Variants in DPY19L2 observed in about 807,000 individuals in gnomAD.
DPY19L2 encodes dpy-19 like 2.
DPY19L2 carries 34 observed loss-of-function variants against 97.9 expected under a neutral mutation model. The observed-to-expected ratio is 0.35, with a 90% CI of 0.26 to 0.46. DPY19L2 has a LOEUF of 0.46. Among genes scored for constraint, DPY19L2 ranks in the 20% least tolerant of loss-of-function variants. The pLI is 1.00. For missense variants in DPY19L2, 623 were observed against 911.4 expected, an observed-to-expected ratio of 0.68 and a Z score of 4.07; for synonymous variants, 230 against 307.9, an observed-to-expected ratio of 0.75 and a Z score of 2.65.
At chr12:63,581,604 C>T (rs1395847895) in intron 18 of DPY19L2, among the ~76,000 whole-genome samples, 2 of 150,828 alleles carry the variant, frequency 1.3e-5, no homozygotes, top group Non-Finnish European at 2.9e-5. Flanking sequence ...CTGCCTCAGC[C>T]TCCTGAGTAG....
At chr12:63,565,957 T>A in intron 21 of DPY19L2, among the ~76,000 whole-genome samples, 1 of 152,200 alleles carries the variant, frequency 6.6e-6, no homozygotes, top group Admixed American at 6.5e-5. Context: ...GTAATATTCT[T>A]TGTCTTAACA....
At chr12:63,641,381 G>A (rs894228465) in intron 6 of DPY19L2, among the ~76,000 whole-genome samples, 5 of 151,616 alleles carry the variant, frequency 3.3e-5, no homozygotes, top group East Asian at 1.9e-4. Flanking sequence ...CCATGTAGTC[G>A]CCATATAATT....
At chr12:63,574,002 T>G (rs1879366139) in intron 19 of DPY19L2, among the ~76,000 whole-genome samples, 1 of 151,992 alleles carries the variant, frequency 6.6e-6, no homozygotes, top group Non-Finnish European at 1.5e-5. Context: ...TCACTGGTAA[T>G]AGTAAGTACA....
intron 4 of DPY19L2, among the ~76,000 whole-genome samples, chr12:63,658,949 A>G (rs11829836): frequency 0.066 from 10,035 of 152,272 alleles, 354 homozygotes; most frequent in Middle Eastern, 0.095. Context: ...GGGAAACTTC[A>G]GGATGAGGGA....
intron 11 of DPY19L2, among the ~76,000 whole-genome samples, chr12:63,615,057 G>C (rs1887628374): frequency 6.6e-6 from 1 of 152,104 alleles, no homozygotes; most frequent in African/African-American, 2.4e-5. Context: ...TGTCATGTCA[G>C]AGAACTTAGT....
intron 6 of DPY19L2, among the ~76,000 whole-genome samples, chr12:63,637,098 G>A (rs1891852095): frequency 6.6e-6 from 1 of 152,104 alleles, no homozygotes; most frequent in African/African-American, 2.4e-5. Flanking sequence ...TCAGATCATA[G>A]GGCAATCAAA....
rs1015768374 is a variant in DPY19L2, at chr12:63,640,047, G to T, written c.803+4356C>A. 5.3e-5 allele frequency among the ~76,000 whole-genome samples: 8 copies of T among 152,142 alleles called. No homozygotes were observed. The East Asian group carries it at 5.8e-4, about 11-fold the overall frequency. The stretch of plus-strand genomic sequence containing the variant: ...TAAAAAATGATGAGTTCACATCCTT[G>T]GTAGGGACATGGATGAAGCTGGAAA... On this transcript the variant is annotated intron_variant, in intron 6 of 21. Coordinates refer to ENST00000324472, the MANE Select transcript of DPY19L2 (RefSeq NM_173812.5).
At chr12:63,666,865 T>C (rs1357576579) in intron 1 of DPY19L2, among the ~76,000 whole-genome samples, 1 of 152,264 alleles carries the variant, frequency 6.6e-6, no homozygotes. Context: ...CCACCAATAA[T>C]AGCCTCTTAA....
intron 4 of DPY19L2, among the ~76,000 whole-genome samples, chr12:63,649,214 C>T (rs1471226248): frequency 6.6e-6 from 1 of 152,028 alleles, no homozygotes; most frequent in African/African-American, 2.4e-5. Context: ...GCTAAATGCC[C>T]GCTTCAAAGT....
At chr12:63,579,826 T>G (rs1880550184) in intron 19 of DPY19L2, among the ~76,000 whole-genome samples, 1 of 152,070 alleles carries the variant, frequency 6.6e-6, no homozygotes, top group East Asian at 1.9e-4. Flanking sequence ...TTATAAAGAT[T>G]TACCTTAATG....
intron 6 of DPY19L2, among the ~76,000 whole-genome samples, chr12:63,637,635 T>C (rs1231880994): frequency 6.6e-6 from 1 of 152,014 alleles, no homozygotes; most frequent in Non-Finnish European, 1.5e-5. Context: ...CCTGGAAATA[T>C]ACACCCTCCA....
intron 4 of DPY19L2, among the ~76,000 whole-genome samples, chr12:63,658,438 G>A (rs1248243818): frequency 6.6e-6 from 1 of 152,120 alleles, no homozygotes; most frequent in Non-Finnish European, 1.5e-5. Flanking sequence ...AGGCTACAGG[G>A]AGCCGAGATC....
chr12:63,590,226 G>A (rs1882662498), intron 16 of DPY19L2, among the ~76,000 whole-genome samples: 1 of 152,028 alleles, frequency 6.6e-6, no homozygotes, highest in African/African-American at 2.4e-5. Context: ...AAACTCCACT[G>A]ACAAAGAATT....
intron 9 of DPY19L2, among the ~76,000 whole-genome samples, 182 bp downstream of exon 9, chr12:63,621,056 T>G (rs1484267464): frequency 6.6e-6 from 1 of 151,578 alleles, no homozygotes; most frequent in Non-Finnish European, 1.5e-5. Flanking sequence ...TGTCAAGGGA[T>G]GGGGTGGGGA....
intron 4 of DPY19L2, among the ~76,000 whole-genome samples, chr12:63,647,641 C>T (rs904454829): frequency 1.2e-4 from 18 of 152,054 alleles, no homozygotes; most frequent in Non-Finnish European, 2.5e-4. Flanking sequence ...CTTTGATGAG[C>T]TGATTTAAAA....
intron 6 of DPY19L2, among the ~76,000 whole-genome samples, chr12:63,639,156 G>A (rs1377342958): frequency 6.6e-6 from 1 of 152,110 alleles, no homozygotes; most frequent in Admixed American, 6.5e-5. Flanking sequence ...GCCATATGTA[G>A]GAAGCTGAAA....
intron 11 of DPY19L2, among the ~76,000 whole-genome samples, chr12:63,615,906 C>G (rs1355902906): frequency 6.6e-6 from 1 of 151,776 alleles, no homozygotes; most frequent in Non-Finnish European, 1.5e-5. Context: ...GCTGCAGATT[C>G]AACCAACAGC....
intron 6 of DPY19L2, among the ~76,000 whole-genome samples, chr12:63,642,008 A>C (rs1391929755): frequency 2.0e-5 from 3 of 152,118 alleles, no homozygotes; most frequent in African/African-American, 4.8e-5. Flanking sequence ...ATGACTAATG[A>C]TGGTGGACAA....
intron 6 of DPY19L2, among the ~76,000 whole-genome samples, chr12:63,638,791 T>C (rs1892190730): frequency 1.3e-5 from 2 of 152,252 alleles, no homozygotes; most frequent in South Asian, 2.1e-4. Context: ...AGGTAATTTA[T>C]AGATTCAATG....
Sources: gnomAD v4.1 joint callset for allele counts (sites outside exome capture counted in the v4.1 genomes callset) on GRCh38, gnomAD v4.1.1 for gene constraint, MANE v1.5 for transcripts, NCBI Gene and HGNC (gene_info 2026-07-23, HGNC 2026-07-21) for gene names.